Variants in SLC4A10 observed in about 807,000 individuals in gnomAD.
The protein encoded by SLC4A10 is solute carrier family 4 member 10, also known as sodium-driven chloride bicarbonate exchanger.
A neutral mutation model predicts 137.7 loss-of-function variants in SLC4A10; 42 were observed. That is an observed-to-expected ratio of 0.30 (90% CI 0.24 to 0.39). The LOEUF (loss-of-function observed/expected upper bound fraction) is 0.39. Ranked by LOEUF, SLC4A10 falls within the 10% of genes least tolerant of loss-of-function variation. The pLI is 1.00. For missense variants in SLC4A10, 925 were observed against 1,355.0 expected (o/e 0.68, Z 4.98); for synonymous variants, 474 against 464.1 (o/e 1.02, Z -0.27).
At chr2:161,691,923 A>T (rs530604295) in intron 1 of SLC4A10, among the ~76,000 whole-genome samples, 3 of 152,148 alleles carry the variant, frequency 2.0e-5, no homozygotes, top group Non-Finnish European at 4.4e-5. Flanking sequence ...GTTCAAATAA[A>T]ATATTATGCA....
At chr2:161,931,341 AC>A (rs1220152958) in intron 15 of SLC4A10, 1 of 152,312 alleles carries the variant, frequency 6.6e-6, no homozygotes, top group Admixed American at 6.5e-5. Flanking sequence ...GATGTTCGGA[AC>A]AAAATACCTA....
intron 19 of SLC4A10, among the ~76,000 whole-genome samples, chr2:161,951,091 T>A (rs570589928): frequency 1.3e-5 from 2 of 152,134 alleles, no homozygotes; most frequent in Non-Finnish European, 2.9e-5. Flanking sequence ...AATAAAAAAC[T>A]GTCAAAGTTT....
At chr2:161,651,590 G>C (rs894290529) in intron 1 of SLC4A10, among the ~76,000 whole-genome samples, 1 of 152,168 alleles carries the variant, frequency 6.6e-6, no homozygotes, top group African/African-American at 2.4e-5. Flanking sequence ...GCGGTTTCTG[G>C]CATCTTTAAG....
At chr2:161,737,241 C>T (rs550371846) in intron 1 of SLC4A10, among the ~76,000 whole-genome samples, 2 of 152,252 alleles carry the variant, frequency 1.3e-5, no homozygotes, top group African/African-American at 4.8e-5. Flanking sequence ...ACTTTGAACA[C>T]TGATTTAGTT....
chr2:161,786,838 G>T (rs181310670), intron 2 of SLC4A10, among the ~76,000 whole-genome samples: 118 of 143,968 alleles, frequency 8.2e-4, no homozygotes, highest in African/African-American at 2.9e-3. Context: ...TATGCTTTAT[G>T]ACATAAAAGA....
intron 4 of SLC4A10, among the ~76,000 whole-genome samples, chr2:161,854,588 A>G (rs1575297212): frequency 6.6e-6 from 1 of 152,206 alleles, no homozygotes; most frequent in East Asian, 1.9e-4. Context: ...CCCACTAAGG[A>G]AAAATAAGTA....
chr2:161,879,546 C>CTTTTTTTTTTTTTTTTTTTTTTTT (rs71408189), intron 9 of SLC4A10, among the ~76,000 whole-genome samples: 1 of 125,056 alleles, frequency 8.0e-6, no homozygotes. Flanking sequence ...CATATGAATC[C>CTTTTTTTTTTTTTTTTTTTTTTTT]TTTTTTTTTT....
intron 15 of SLC4A10, among the ~76,000 whole-genome samples, chr2:161,922,469 A>G (rs1391568601): frequency 6.6e-6 from 1 of 152,126 alleles, no homozygotes; most frequent in East Asian, 1.9e-4. Context: ...CTTAATAGTA[A>G]CAATTTAATT....
At chr2:161,973,588 C>A (rs1245115263) in intron 23 of SLC4A10, among the ~76,000 whole-genome samples, 2 of 152,132 alleles carry the variant, frequency 1.3e-5, no homozygotes, top group Non-Finnish European at 2.9e-5. Context: ...CTTCCATTTC[C>A]TCCTCTCTCA....
chr2:161,947,765 A>G (rs761892405), intron 17 of SLC4A10, 38 bp downstream of exon 17: 7 of 1,589,304 alleles, frequency 4.4e-6, no homozygotes, highest in South Asian at 2.3e-5. Context: ...GTAAAATAAC[A>G]TAGGACAAAA....
chr2:161,636,612 C>A (rs886633173), intron 1 of SLC4A10, among the ~76,000 whole-genome samples: 1 of 152,020 alleles, frequency 6.6e-6, no homozygotes, highest in African/African-American at 2.4e-5. Flanking sequence ...GTTGGCCAGG[C>A]TGGTCTCGAA....
At chr2:161,922,032 C>T (rs753258316) in intron 15 of SLC4A10, among the ~76,000 whole-genome samples, 4 of 152,108 alleles carry the variant, frequency 2.6e-5, no homozygotes, top group Non-Finnish European at 4.4e-5. Flanking sequence ...CTTCATGGAA[C>T]TTATAGTCTG....
intron 1 of SLC4A10, among the ~76,000 whole-genome samples, chr2:161,673,420 G>A (rs1215981133): frequency 6.6e-6 from 1 of 152,064 alleles, no homozygotes; most frequent in African/African-American, 2.4e-5. Flanking sequence ...AAAAAGAGAA[G>A]TTAGCATTAT....
Position 161,972,181 on chromosome 2 carries a change from A to G in SLC4A10, c.3160-2068A>G, listed in dbSNP as rs186710681. Reference sequence around the variant, plus strand: ...AGGCTTCACCTTTCAGTGGGCAACCAAGAAAAGAATTGCATCTTTCTCCTA... The same window carrying G: ...AGGCTTCACCTTTCAGTGGGCAACCGAGAAAAGAATTGCATCTTTCTCCTA... On this transcript the variant is annotated intron_variant, in intron 23 of 26. Coordinates refer to ENST00000446997, the MANE Select transcript of SLC4A10 (RefSeq NM_001178015.2). 1.1e-4 allele frequency among the ~76,000 whole-genome samples: 16 copies of G among 151,652 alleles called. No homozygotes were observed. In the East Asian group the frequency reaches 2.1e-3, roughly 20 times the overall value.
chr2:161,771,539 G>T (rs1405501952), intron 2 of SLC4A10, among the ~76,000 whole-genome samples: 1 of 151,776 alleles, frequency 6.6e-6, no homozygotes, highest in East Asian at 1.9e-4. Flanking sequence ...TAACTGTATG[G>T]GTTCTGAAAC....
intron 15 of SLC4A10, among the ~76,000 whole-genome samples, chr2:161,919,157 C>T (rs1354375612): frequency 1.3e-5 from 2 of 152,192 alleles, no homozygotes; most frequent in African/African-American, 2.4e-5. Context: ...CCTGCCATCT[C>T]AGCCCTCTCT....
intron 15 of SLC4A10, among the ~76,000 whole-genome samples, chr2:161,906,531 C>T (rs983985344): frequency 6.6e-6 from 1 of 152,122 alleles, no homozygotes; most frequent in African/African-American, 2.4e-5. Flanking sequence ...GCTTTGTCTG[C>T]AGACTATATG....
intron 2 of SLC4A10, among the ~76,000 whole-genome samples, chr2:161,772,985 G>A (rs1021684056): frequency 6.6e-6 from 1 of 151,846 alleles, no homozygotes; most frequent in Non-Finnish European, 1.5e-5. Context: ...ATGATTTTAA[G>A]TGGGAGAGCA....
chr2:161,938,307 A>G (rs183036640), intron 15 of SLC4A10, among the ~76,000 whole-genome samples: 1 of 152,248 alleles, frequency 6.6e-6, no homozygotes, highest in African/African-American at 2.4e-5. Flanking sequence ...AATTAAATAA[A>G]GAAAAGTTAG....
Sources: gnomAD v4.1 joint callset for allele counts (sites outside exome capture counted in the v4.1 genomes callset) on GRCh38, gnomAD v4.1.1 for gene constraint, MANE v1.5 for transcripts, NCBI Gene and HGNC (gene_info 2026-07-23, HGNC 2026-07-21) for gene names.